NEK2: variants seen among roughly 807,000 people sequenced by gnomAD.
The protein encoded by NEK2 is serine/threonine-protein kinase Nek2.
NEK2 carries 28 observed loss-of-function variants against 54.1 expected under a neutral mutation model. The observed-to-expected ratio is 0.52, with a 90% CI of 0.38 to 0.71. The LOEUF (loss-of-function observed/expected upper bound fraction) is 0.71. NEK2 is among the 30% of genes least tolerant of loss of function. The probability of loss-of-function intolerance (pLI) is 0.00; values close to 1 mark genes in which losing one functional copy is unlikely to be tolerated. For missense variants in NEK2, 407 were observed against 531.5 expected, an observed-to-expected ratio of 0.77 and a Z score of 2.30; for synonymous variants, 176 against 193.1, an observed-to-expected ratio of 0.91 and a Z score of 0.73.
Position 211,670,295 on chromosome 1 carries a change from T to A in NEK2, c.751A>T (p.Met251Leu). ...SDELNEIITRMLNLKDYHRPS... is the reference protein window; with the variant it reads ...SDELNEIITRLLNLKDYHRPS... ...ATCATCTTTACCTTTAAGTTTAACA[T>A]CCTCGTAATAATTTCATTCAATTCA... is the stretch of plus-strand genomic sequence containing the variant. Residue 251 changes from methionine (M) to leucine (L), a missense_variant, in exon 5 of 8, where the codon ATG (methionine) becomes TTG (leucine). By Grantham distance (15) the Met-to-Leu change is conservative. Transcript: ENST00000366999. 1.9e-6 allele frequency: 3 copies of A among 1,610,098 alleles called. No individual in the cohort carries two copies. The highest frequency in any genetic ancestry group is 2.5e-6 in the Non-Finnish European group (3 of 1,178,626).
intron 4 of NEK2, 164 bp downstream of exon 4, chr1:211,671,038 G>A: frequency 1.7e-6 from 1 of 594,962 alleles, no homozygotes; most frequent in Non-Finnish European, 3.0e-6. Context: ...TTTGTGAATA[G>A]TTTCTTTTAG....
In NEK2 at chr1:211,663,504, G is replaced by A. The variant is rs780065670; in HGVS notation, c.1260C>T (p.Ala420=). ...CTGACAGGGCTTGAGCCCGCAGCTG[G>A]GCAGCGTGAAGCCTTTTCTTCAGGT... The part of the protein sequence containing the change: ...CKDLKKRLHA[A]QLRAQALSDI... Residue 420 remains alanine, a synonymous_variant, in exon 8 of 8, where the codon GCC becomes GCT. Coordinates refer to ENST00000366999, the MANE Select transcript of NEK2 (RefSeq NM_002497.4). 6 of 1,613,958 alleles carry A rather than the reference G, an allele frequency of 3.7e-6. No homozygotes were observed. The highest frequency in any genetic ancestry group is 5.1e-6 in the Non-Finnish European group (6 of 1,179,860).
intron 3 of NEK2, among the ~76,000 whole-genome samples, chr1:211,672,850 G>A (rs1240469736): frequency 1.3e-5 from 2 of 152,018 alleles, no homozygotes; most frequent in African/African-American, 2.4e-5. Flanking sequence ...ATAAAAGCTT[G>A]AACTGAATAT....
chr1:211,672,967 T>C (rs540881296), intron 3 of NEK2, among the ~76,000 whole-genome samples: 19 of 152,046 alleles, frequency 1.2e-4, no homozygotes, highest in African/African-American at 4.6e-4. Context: ...TTAATGCACA[T>C]AACTCATGCA....
In NEK2 at chr1:211,675,563, C is replaced by T; in HGVS notation, c.-84G>A. 1 of 1,175,504 alleles carries T rather than the reference C, an allele frequency of 8.5e-7. No homozygotes were observed. The highest frequency in any genetic ancestry group is 2.4e-5 in the East Asian group (1 of 42,508). The allele number at this position is 1,175,504 out of a possible 1,614,324, so 72.8% of individuals were successfully genotyped here. A position where few individuals can be genotyped will look rare whatever the true frequency, so the allele number is the denominator to read the frequency against. ...CTCCAGGGACCAGGAACTCCAGGGA[C>T]CTGGATGGAGAAGCCCCCGAGCAGC... On this transcript the variant is annotated 5_prime_UTR_variant, in exon 1 of 8. Transcript: ENST00000366999.
downstream of NEK2, among the ~76,000 whole-genome samples, chr1:211,662,059 A>G (rs1313601675): frequency 1.3e-5 from 2 of 152,202 alleles, no homozygotes; most frequent in Non-Finnish European, 2.9e-5. This position sits in a 1 kb window ranked among gnomAD's most constrained non-coding sequence, Gnocchi z 4.2. Context: ...ATGCTTTACC[A>G]GATTTCTAGG....
rs1024711224 is a variant in NEK2 at position 211,674,406 on chromosome 1, A to C, written c.204T>G (p.Val68=). ...GGTCAATAATCCGATCATAGTAACG[A>C]ACGATGTTTGGATGTTTCAGTTCAC... ...LLRELKHPNI[V]RYYDRIIDRT... Residue 68 remains valine (V), a synonymous_variant, in exon 2 of 8, where the codon GTT becomes GTG. Transcript: ENST00000366999. The C allele has an allele frequency of 6.2e-7, 1 of 1,614,054 alleles. No homozygotes were observed. The highest frequency in any genetic ancestry group is 1.3e-5 in the African/African-American group (1 of 74,932).
In NEK2 at chr1:211,663,533, T is replaced by G. The variant is rs1655078541; in HGVS notation, c.1231A>C (p.Lys411Gln). Residue 411 changes from lysine to glutamine, a missense_variant, in exon 8 of 8, where the codon AAG (lysine) becomes CAG (glutamine). By Grantham distance (53) the Lys-to-Gln change is moderately conservative. Coordinates refer to ENST00000366999, the MANE Select transcript of NEK2 (RefSeq NM_002497.4). Reference sequence around the variant, plus strand: ...GCGTGAAGCCTTTTCTTCAGGTCCTTGCACTTGGACTTAGATGTGAGCTGA... The same window carrying G: ...GCGTGAAGCCTTTTCTTCAGGTCCTGGCACTTGGACTTAGATGTGAGCTGA... ...ESQLTSKSKC[K>Q]DLKKRLHAAQ... 6.2e-7 allele frequency: 1 copy of G among 1,614,010 alleles called. No homozygotes were observed. Among genetic ancestry groups the G allele is most frequent in the Non-Finnish European group, 8.5e-7 (1 of 1,179,880 alleles).
intron 7 of NEK2, among the ~76,000 whole-genome samples, chr1:211,665,274 G>A (rs1452128422): frequency 2.6e-5 from 4 of 152,082 alleles, no homozygotes; most frequent in African/African-American, 9.7e-5. Context: ...GCTCTGATGT[G>A]TTCACTACTT....
chr1:211,661,907 G>T (rs186479553), downstream of NEK2, among the ~76,000 whole-genome samples: 1 of 152,190 alleles, frequency 6.6e-6, no homozygotes, highest in African/African-American at 2.4e-5. Context: ...TGGCAGGAGA[G>T]ATTTCTTGTA....
At chr1:211,675,257 A>T in intron 1 of NEK2, 127 bp downstream of exon 1, 1 of 801,706 alleles carries the variant, frequency 1.2e-6, no homozygotes, top group Admixed American at 2.2e-5. Flanking sequence ...CAGACCCAGG[A>T]AAGACGGTTT....
At chr1:211,663,799 G>T in intron 7 of NEK2, 147 bp from the exon 8 acceptor site, 1 of 745,232 alleles carries the variant, frequency 1.3e-6, no homozygotes, top group Non-Finnish European at 2.1e-6. Context: ...AGGAGGTTAG[G>T]GGTGTAGGAC....
At position 211,674,509 on chromosome 1, in the gene NEK2, A is replaced by T; in HGVS notation, c.101T>A (p.Leu34Ter). Reference protein sequence around the residue: ...KIRRKSDGKILVWKELDYGSM... With the variant: ...KIRRKSDGKI ...GCCATAGTCAAGTTCTTTCCAAACT[A>T]ATATCTGAAATAAGAATTTCCAAGG... The change falls in exon 2 of 8, where the codon TTA becomes TAA. Residue 34 changes from leucine (L) to a stop codon, truncating the protein, a stop_gained. Coordinates refer to ENST00000366999, the MANE Select transcript of NEK2 (RefSeq NM_002497.4). LOFTEE classifies it high-confidence loss of function. 1 of 1,600,242 alleles carries T rather than the reference A, an allele frequency of 6.2e-7. No individual in the cohort carries two copies.
In NEK2 at chr1:211,669,288, T is replaced by C. The variant is rs1455282505; in HGVS notation, c.810A>G (p.Leu270=). The part of the protein sequence containing the change: ...PSVEEILENP[L]IADLVADEQR... ...GCTCGTCTGCAACCAAATCTGCTAT[T>C]AAAGGGTTCTCAAGAATTTCTTCAA... The change falls in exon 6 of 8, where the codon TTA becomes TTG. Residue 270 remains leucine (L), a synonymous_variant. Transcript: ENST00000366999. 3.7e-6 allele frequency: 6 copies of C among 1,614,044 alleles called. No homozygotes were observed. The highest frequency in any genetic ancestry group is 5.1e-6 in the Non-Finnish European group (6 of 1,180,018).
chr1:211,672,616 A>T (rs1268908483), intron 3 of NEK2, among the ~76,000 whole-genome samples: 1 of 59,870 alleles, frequency 1.7e-5, no homozygotes, highest in East Asian at 8.1e-4. Flanking sequence ...GTAAAATATT[A>T]AAAAAAAAAA....
At chr1:211,658,358 A>G (rs1654924387), downstream of NEK2, among the ~76,000 whole-genome samples, 1 of 152,198 alleles carries the variant, frequency 6.6e-6, no homozygotes, top group Admixed American at 6.5e-5. Context: ...AAAACACAGA[A>G]CACTTCATAG....
At chr1:211,670,716 C>G (rs948083019) in intron 4 of NEK2, among the ~76,000 whole-genome samples, 2 of 152,106 alleles carry the variant, frequency 1.3e-5, no homozygotes, top group African/African-American at 4.8e-5. Flanking sequence ...CAAACATCAT[C>G]AAATGCCCCA....
chr1:211,666,966 A>G, intron 7 of NEK2, 140 bp downstream of exon 7: 1 of 1,476,674 alleles, frequency 6.8e-7, no homozygotes, highest in Non-Finnish European at 9.0e-7. Context: ...TTCCATTGAA[A>G]TGCATATATT....
chr1:211,663,529 T>C lies in NEK2; in HGVS notation c.1235A>G (p.Asp412Gly). 1 of 1,614,000 alleles carries C rather than the reference T, an allele frequency of 6.2e-7. No homozygotes were observed. Among genetic ancestry groups the C allele is most frequent in the Non-Finnish European group, 8.5e-7 (1 of 1,179,878 alleles). The change falls in exon 8 of 8, where the codon GAC becomes GGC. Residue 412 changes from aspartate to glycine, a missense_variant. Transcript: ENST00000366999. ...SQLTSKSKCK[D>G]LKKRLHAAQL... ...GGCAGCGTGAAGCCTTTTCTTCAGG[T>C]CCTTGCACTTGGACTTAGATGTGAG...
Sources: allele counts gnomAD v4.1 joint callset (sites outside exome capture counted in the v4.1 genomes callset), GRCh38; gene constraint gnomAD v4.1.1; non-coding constraint Gnocchi (gnomAD v3.1); transcripts MANE v1.5; gene names NCBI Gene and HGNC (gene_info 2026-07-23, HGNC 2026-07-21).